Variants in RARB observed in about 807,000 individuals in gnomAD.
RARB encodes the protein HBV-activated protein.
RARB carries 17 observed loss-of-function variants against 51.9 expected under a neutral mutation model. The observed-to-expected ratio is 0.33, with a 90% confidence interval of 0.22 to 0.49. The LOEUF (loss-of-function observed/expected upper bound fraction) is 0.49. RARB is among the 20% of genes least tolerant of loss of function. RARB has a pLI of 0.99. For missense variants in RARB, 369 were observed against 550.8 expected, an observed-to-expected ratio of 0.67 and a Z score of 3.30; for synonymous variants, 215 against 195.4, an observed-to-expected ratio of 1.10 and a Z score of -0.84.
In RARB at chr3:24,989,824, G is replaced by T. The variant is rs1458138261; in HGVS notation, c.-379-70301G>T. On this transcript the variant is annotated intron_variant, in intron 2 of 11. Coordinates refer to the RARB transcript ENST00000383772. ...TTTTTTTTTTTTGAGACGGAGTCTC[G>T]CTCTGTCGCCCAGGCTGGACTGCGG... Among the ~76,000 whole-genome samples, 4 of 62,548 alleles carry T rather than the reference G, an allele frequency of 6.4e-5. 2 individuals carry two copies. In the Admixed American group the frequency reaches 1.2e-3, roughly 19 times the overall value. The allele number at this position is 62,548 out of a possible 152,430, so 41.0% of individuals were successfully genotyped here.
chr3:24,963,448 G>A (rs1262598612), intron 2 of RARB, among the ~76,000 whole-genome samples: 1 of 147,828 alleles, frequency 6.8e-6, no homozygotes, highest in African/African-American at 2.5e-5. Context: ...TCTTGATCTA[G>A]TTTGCCTTCT....
At chr3:25,348,026 G>A (rs1226196658) in intron 5 of RARB, among the ~76,000 whole-genome samples, 2 of 152,136 alleles carry the variant, frequency 1.3e-5, no homozygotes, top group South Asian at 4.1e-4. Context: ...ACTGATTAAT[G>A]CACATTTTTC....
intron 5 of RARB, among the ~76,000 whole-genome samples, chr3:25,211,266 G>A (rs1701689379): frequency 6.6e-6 from 1 of 152,186 alleles, no homozygotes; most frequent in African/African-American, 2.4e-5. Context: ...AAAGTGAACT[G>A]ACAACAGGGT....
chr3:24,896,715 A>G (rs1184573711), intron 2 of RARB, among the ~76,000 whole-genome samples: 1 of 152,160 alleles, frequency 6.6e-6, no homozygotes, highest in East Asian at 1.9e-4. Flanking sequence ...TGTCAAGAAT[A>G]TTGCACTCCT....
At chr3:25,206,962 T>TG (rs1701564852) in intron 5 of RARB, among the ~76,000 whole-genome samples, 1 of 152,178 alleles carries the variant, frequency 6.6e-6, no homozygotes, top group African/African-American at 2.4e-5. Flanking sequence ...TTTATGAAAG[T>TG]GGGGACTTTG....
chr3:25,589,073 A>C (rs1431540024), intron 5 of RARB, among the ~76,000 whole-genome samples: 1 of 152,234 alleles, frequency 6.6e-6, no homozygotes, highest in East Asian at 1.9e-4. Context: ...CCTCAGTTTT[A>C]AAACAATGTT....
chr3:25,141,034 T>C (rs1448555049), intron 4 of RARB, among the ~76,000 whole-genome samples: 1 of 152,174 alleles, frequency 6.6e-6, no homozygotes, highest in Admixed American at 6.5e-5. Context: ...CCAAAACATT[T>C]GTGTGACTAA....
chr3:24,998,380 G>T (rs1344515656), intron 2 of RARB, among the ~76,000 whole-genome samples: 1 of 151,250 alleles, frequency 6.6e-6, no homozygotes, highest in Non-Finnish European at 1.5e-5. Context: ...CTGGAACTTA[G>T]TTGCATATGA....
At chr3:25,330,578 A>G (rs981106501) in intron 5 of RARB, among the ~76,000 whole-genome samples, 1 of 152,220 alleles carries the variant, frequency 6.6e-6, no homozygotes, top group Non-Finnish European at 1.5e-5. Flanking sequence ...TGTAAAGACT[A>G]TCAATTCTAG....
chr3:25,324,771 A>G (rs1245848135), intron 5 of RARB: 1 of 152,220 alleles, frequency 6.6e-6, no homozygotes, highest in Non-Finnish European at 1.5e-5. Context: ...GTGGGAGAGC[A>G]ATCCTTTCAC....
At chr3:24,902,082 A>G (rs1463296057) in intron 2 of RARB, among the ~76,000 whole-genome samples, 1 of 152,020 alleles carries the variant, frequency 6.6e-6, no homozygotes, top group Non-Finnish European at 1.5e-5. Flanking sequence ...CATATATTTT[A>G]TCTAACTTCA....
chr3:25,121,342 C>T (rs1010179564), intron 3 of RARB, among the ~76,000 whole-genome samples: 3 of 152,092 alleles, frequency 2.0e-5, no homozygotes, highest in Non-Finnish European at 4.4e-5. Flanking sequence ...ACATTGCTCA[C>T]CTCCTTTTCA....
chr3:25,457,624 G>T (rs1694984987), intron 1 of RARB, among the ~76,000 whole-genome samples: 1 of 152,094 alleles, frequency 6.6e-6, no homozygotes, highest in African/African-American at 2.4e-5. Context: ...CGTTTTTTGT[G>T]TGCTTTGCCC....
At chr3:24,960,760 ATTT>A (rs11328626) in intron 2 of RARB, among the ~76,000 whole-genome samples, 3 of 149,292 alleles carry the variant, frequency 2.0e-5, no homozygotes, top group African/African-American at 2.5e-5. Flanking sequence ...GAGCCTTTGG[ATTT>A]TTTTTTTTTT....
rs113776353 is a variant in RARB, at chr3:25,043,884, G to A, written c.-379-16241G>A. ...GTGAGAATTAATAGCACTTTATTTC[G>A]TGGCTCATTGAGGAAATGTGTGGTT... On this transcript the variant is annotated intron_variant, in intron 2 of 11. Transcript: ENST00000383772. Among the ~76,000 whole-genome samples, 887 of 152,216 alleles carry A rather than the reference G, an allele frequency of 5.8e-3. 10 individuals carry two copies. Among genetic ancestry groups the A allele is most frequent in the African/African-American group, 0.02 (823 of 41,518 alleles).
chr3:24,937,859 T>C (rs1426011685), intron 2 of RARB, among the ~76,000 whole-genome samples: 2 of 152,168 alleles, frequency 1.3e-5, no homozygotes, highest in African/African-American at 2.4e-5. Context: ...TCTAGATTTT[T>C]TGTTTCTTTT....
chr3:25,174,343 C>T, exon 5 of RARB: 3 of 1,318,042 alleles, frequency 2.3e-6, no homozygotes, highest in Non-Finnish European at 3.0e-6. Flanking sequence ...TGGTTTAAGA[C>T]CTGGAGTGAT....
chr3:25,588,695 G>T (rs1701499479), intron 5 of RARB, among the ~76,000 whole-genome samples: 1 of 152,144 alleles, frequency 6.6e-6, no homozygotes, highest in African/African-American at 2.4e-5. Context: ...AATTCCAGAG[G>T]CTGGAAGCTC....
intron 5 of RARB, among the ~76,000 whole-genome samples, chr3:25,255,840 G>T (rs768831410): frequency 2.0e-5 from 3 of 152,062 alleles, no homozygotes; most frequent in Non-Finnish European, 4.4e-5. Flanking sequence ...AGTCAAGTGT[G>T]TATGCTTGTG....
Sources: gnomAD v4.1 joint callset for allele counts (sites outside exome capture counted in the v4.1 genomes callset) on GRCh38, gnomAD v4.1.1 for gene constraint, MANE v1.5 for transcripts, NCBI Gene and HGNC (gene_info 2026-07-23, HGNC 2026-07-21) for gene names.